Variants in ZNF131 observed in about 807,000 individuals in gnomAD.
ZNF131 encodes zinc finger and BTB domain containing 35, also known as zinc finger protein 131.
ZNF131 carries 7 observed loss-of-function variants against 60.0 expected under a neutral mutation model. The observed-to-expected ratio is 0.12, with a 90% CI of 0.07 to 0.22. ZNF131 has a LOEUF of 0.22. ZNF131 is among the 10% of genes least tolerant of loss of function. ZNF131 has a pLI of 1.00. For synonymous variants in ZNF131, 257 were observed against 253.2 expected, an observed-to-expected ratio of 1.01 and a Z score of -0.14; for missense variants, 493 against 740.9, an observed-to-expected ratio of 0.67 and a Z score of 3.88.
chr5:43,174,757 A>C lies in ZNF131; in HGVS notation c.1496A>C (p.His499Pro). 1 of 1,614,238 alleles carries C rather than the reference A, an allele frequency of 6.2e-7. No individual in the cohort carries two copies. Among genetic ancestry groups the C allele is most frequent in the Non-Finnish European group, 8.5e-7 (1 of 1,180,046 alleles). The change falls in exon 7 of 7, where the codon CAT (histidine) becomes CCT (proline). Residue 499 changes from histidine (H) to proline (P), a missense_variant. This residue lies in a region of ZNF131 where 202 missense variants were observed against 221.3 expected (regional missense o/e 0.91). Transcript: ENST00000682664. ...DSAQVTVEQVHPDLLQDSQVH... is the reference protein window; with the variant it reads ...DSAQVTVEQVPPDLLQDSQVH... Reference sequence around the variant, plus strand: ...GCACAAGTGACTGTGGAACAAGTCCATCCAGATCTGCTCCAGGACAGCCAG... The same window carrying C: ...GCACAAGTGACTGTGGAACAAGTCCCTCCAGATCTGCTCCAGGACAGCCAG...
chr5:43,162,026 C>G (rs1561437939), intron 5 of ZNF131, 95 bp downstream of exon 5: 6 of 1,181,220 alleles, frequency 5.1e-6, no homozygotes, highest in Non-Finnish European at 7.0e-6. Context: ...GCCTCAGAAG[C>G]CATCTCATGT....
intron 4 of ZNF131, among the ~76,000 whole-genome samples, chr5:43,149,572 T>G (rs1410444871): frequency 6.6e-6 from 1 of 152,240 alleles, no homozygotes; most frequent in Non-Finnish European, 1.5e-5. Flanking sequence ...AATAGCTGGC[T>G]TGTATGGTAA....
At chr5:43,156,395 G>A (rs1748968701) in intron 4 of ZNF131, among the ~76,000 whole-genome samples, 2 of 152,198 alleles carry the variant, frequency 1.3e-5, no homozygotes, top group South Asian at 4.1e-4. Flanking sequence ...GGGAGAATTT[G>A]GCTCCACTCC....
intron 3 of ZNF131, among the ~76,000 whole-genome samples, chr5:43,131,161 G>A (rs965775552): frequency 2.6e-5 from 4 of 151,720 alleles, no homozygotes; most frequent in South Asian, 2.1e-4. Flanking sequence ...CACAGCGCCC[G>A]GCCTCCAAGC....
Position 43,174,498 on chromosome 5 carries a change from A to G in ZNF131, c.1237A>G (p.Ile413Val). 6.4e-7 allele frequency: 1 copy of G among 1,564,740 alleles called. No individual in the cohort carries two copies. The highest frequency in any genetic ancestry group is 8.7e-7 in the Non-Finnish European group (1 of 1,155,324). ...SWDQFKDHLVIHTGDKPNHCT... is the reference protein window; with the variant it reads ...SWDQFKDHLVVHTGDKPNHCT... The stretch of plus-strand genomic sequence containing the variant: ...GGACCAGTTCAAAGATCACTTGGTA[A>G]TACACACTGGAGATAAACCCAACCA... The change falls in exon 7 of 7, where the codon ATA becomes GTA. Residue 413 changes from isoleucine (I) to valine (V), a missense_variant. By Grantham distance (29) the Ile-to-Val change is conservative. This residue lies in a region of ZNF131 where 33 missense variants were observed against 67.9 expected (regional missense o/e 0.49). Transcript: ENST00000682664.
intron 5 of ZNF131, among the ~76,000 whole-genome samples, chr5:43,170,010 T>TCC (rs1750790307): frequency 6.6e-6 from 1 of 152,152 alleles, no homozygotes; most frequent in Non-Finnish European, 1.5e-5. Flanking sequence ...CAGGCTGGTC[T>TCC]CAAACTCCTG....
chr5:43,174,750 C>G lies in ZNF131; in HGVS notation c.1489C>G (p.Gln497Glu). Residue 497 changes from glutamine to glutamate, a missense_variant, in exon 7 of 7, where the codon CAA (glutamine) becomes GAA (glutamate). Around this residue, in one of 7 missense-constraint regions of ZNF131, gnomAD observed 202 missense variants for 221.3 expected, o/e 0.91. Transcript: ENST00000682664. ...GGATTCAGCACAAGTGACTGTGGAACAAGTCCATCCAGATCTGCTCCAGGA... is the reference window on the plus strand; with the variant it reads ...GGATTCAGCACAAGTGACTGTGGAAGAAGTCCATCCAGATCTGCTCCAGGA... ...QVDSAQVTVE[Q>E]VHPDLLQDSQ... 6.8e-6 allele frequency: 11 copies of G among 1,614,196 alleles called. No homozygotes were observed. The highest frequency in any genetic ancestry group is 8.5e-6 in the Non-Finnish European group (10 of 1,180,040).
intron 4 of ZNF131, among the ~76,000 whole-genome samples, chr5:43,154,847 C>T (rs1321560545): frequency 6.6e-6 from 1 of 152,070 alleles, no homozygotes; most frequent in African/African-American, 2.4e-5. Flanking sequence ...CAGTTGTGGC[C>T]CCAGAGGCGT....
In ZNF131 at chr5:43,156,748, A is replaced by G. The variant is rs532955889; in HGVS notation, c.372-4501A>G. Reference sequence around the variant, plus strand: ...ACTTGGACAGTAGTGACTAAAGAGTACACCTTGGCCAGGCGCAGTGGCTCA... The same window carrying G: ...ACTTGGACAGTAGTGACTAAAGAGTGCACCTTGGCCAGGCGCAGTGGCTCA... On this transcript the variant is annotated intron_variant, in intron 4 of 6. Transcript: ENST00000682664. Among the ~76,000 whole-genome samples the G allele has an allele frequency of 2.4e-4, 36 of 152,314 alleles. No individual in the cohort carries two copies. In the South Asian group the frequency reaches 7.5e-3, roughly 32 times the overall value.
intron 3 of ZNF131, among the ~76,000 whole-genome samples, chr5:43,129,061 G>A (rs1478577113): frequency 6.6e-6 from 1 of 152,132 alleles, no homozygotes; most frequent in Non-Finnish European, 1.5e-5. Flanking sequence ...AGCCTCACAA[G>A]TAGCTGGAAT....
intron 3 of ZNF131, among the ~76,000 whole-genome samples, chr5:43,128,802 A>C (rs1744924320): frequency 6.6e-6 from 1 of 151,948 alleles, no homozygotes; most frequent in Non-Finnish European, 1.5e-5. Flanking sequence ...CCCAGGCTGG[A>C]GTGCAGTGTA....
intron 4 of ZNF131, among the ~76,000 whole-genome samples, chr5:43,141,263 C>T (rs993291352): frequency 6.6e-6 from 1 of 152,054 alleles, no homozygotes; most frequent in African/African-American, 2.4e-5. Context: ...TGCAGAGAGA[C>T]CTGAGCATGG....
intron 4 of ZNF131, among the ~76,000 whole-genome samples, chr5:43,150,664 T>C (rs910536020): frequency 6.6e-6 from 1 of 152,160 alleles, no homozygotes; most frequent in African/African-American, 2.4e-5. Flanking sequence ...CGGTGACACA[T>C]GCCTGTAATC....
At chr5:43,152,585 G>A (rs760687028) in intron 4 of ZNF131, among the ~76,000 whole-genome samples, 3 of 152,096 alleles carry the variant, frequency 2.0e-5, no homozygotes, top group Non-Finnish European at 4.4e-5. Flanking sequence ...TCTAGGGGCA[G>A]TTCTGAAAGA....
chr5:43,128,997 G>C (rs1744959604), intron 3 of ZNF131, among the ~76,000 whole-genome samples: 1 of 152,102 alleles, frequency 6.6e-6, no homozygotes, highest in African/African-American at 2.4e-5. Flanking sequence ...AGTGTGGTGT[G>C]ATCTTGGCTT....
chr5:43,129,499 A>G (rs1236269602), intron 3 of ZNF131, among the ~76,000 whole-genome samples: 1 of 152,110 alleles, frequency 6.6e-6, no homozygotes, highest in Non-Finnish European at 1.5e-5. Context: ...AGATTTTAGA[A>G]TTTTTCTAAG....
intron 3 of ZNF131, among the ~76,000 whole-genome samples, chr5:43,138,944 C>CA (rs1465543502): frequency 6.6e-6 from 1 of 152,128 alleles, no homozygotes; most frequent in Admixed American, 6.6e-5. Context: ...TACTGTTCTC[C>CA]AAGAGCCTCA....
chr5:43,141,945 G>C (rs1746884958), intron 4 of ZNF131, among the ~76,000 whole-genome samples: 1 of 152,130 alleles, frequency 6.6e-6, no homozygotes, highest in Non-Finnish European at 1.5e-5. Context: ...TAATAATGCA[G>C]TGTTTAAGCT....
At chr5:43,160,678 C>CTTTTTTT (rs71608692) in intron 4 of ZNF131, among the ~76,000 whole-genome samples, 6 of 93,030 alleles carry the variant, frequency 6.4e-5, no homozygotes, top group Non-Finnish European at 1.1e-4. Flanking sequence ...TAGCTTGGAA[C>CTTTTTTT]TTTTTTTTTT....
Sources: allele counts gnomAD v4.1 joint callset (sites outside exome capture counted in the v4.1 genomes callset), GRCh38; gene constraint gnomAD v4.1.1; regional missense constraint gnomAD v4.1.1; transcripts MANE v1.5; gene names NCBI Gene and HGNC (gene_info 2026-07-23, HGNC 2026-07-21).